CDH11: variants seen among roughly 807,000 people sequenced by gnomAD.
CDH11 encodes the protein cadherin 11, also known as cadherin-11.
A neutral mutation model predicts 67.8 loss-of-function variants in CDH11; 11 were observed. That is an observed-to-expected ratio of 0.16 (90% CI 0.10 to 0.27). The LOEUF is 0.27. CDH11 is among the 10% of genes least tolerant of loss of function. CDH11 has a pLI of 1.00. For synonymous variants in CDH11, 419 were observed against 400.0 expected (o/e 1.05, Z -0.57); for missense variants, 847 against 1,031.2 (o/e 0.82, Z 2.45).
intron 2 of CDH11, among the ~76,000 whole-genome samples, chr16:65,040,800 C>T (rs945261687): frequency 1.3e-5 from 2 of 152,058 alleles, no homozygotes; most frequent in African/African-American, 4.8e-5. Flanking sequence ...AAAGACCATG[C>T]TTTTTATTGA....
chr16:64,991,016 T>C (rs893568773), intron 6 of CDH11, among the ~76,000 whole-genome samples: 1 of 152,206 alleles, frequency 6.6e-6, no homozygotes, highest in Admixed American at 6.5e-5. Flanking sequence ...GGGGTCTACA[T>C]GAACTCCCCT....
intron 1 of CDH11, among the ~76,000 whole-genome samples, chr16:65,068,547 A>G (rs539947520): frequency 2.6e-5 from 4 of 152,234 alleles, no homozygotes; most frequent in African/African-American, 9.6e-5. Context: ...AAACACAGTT[A>G]ATGAAAGCTC....
intron 1 of CDH11, among the ~76,000 whole-genome samples, chr16:65,107,956 G>A (rs1433282289): frequency 6.6e-6 from 1 of 152,136 alleles, no homozygotes; most frequent in Non-Finnish European, 1.5e-5. Flanking sequence ...TCTGCCTAGA[G>A]GAAGGGAATC....
intron 1 of CDH11, among the ~76,000 whole-genome samples, chr16:65,092,977 T>C (rs2142834643): frequency 6.7e-6 from 1 of 150,212 alleles, no homozygotes; most frequent in East Asian, 2.0e-4. Context: ...CACTCTGTTG[T>C]CCAGGCTGGA....
At chr16:65,030,276 TAC>T (rs1455471367) in intron 2 of CDH11, among the ~76,000 whole-genome samples, 1 of 152,218 alleles carries the variant, frequency 6.6e-6, no homozygotes, top group African/African-American at 2.4e-5. Flanking sequence ...TCAGTATATC[TAC>T]AGTTTGGCGG....
chr16:64,948,491 TA>T, intron 12 of CDH11: 1 of 898,932 alleles, frequency 1.1e-6, no homozygotes, highest in Non-Finnish European at 1.8e-6. Context: ...TTCCAAGGTT[TA>T]AAAATGAGGA....
chr16:65,021,876 G>GAAAAAAAA (rs35700448), intron 2 of CDH11, among the ~76,000 whole-genome samples: 58 of 109,792 alleles, frequency 5.3e-4, no homozygotes, highest in Non-Finnish European at 7.9e-4. Flanking sequence ...AAGTAACTCA[G>GAAAAAAAA]AAAAAAAAAA....
At chr16:65,045,334 T>TATAC (rs2073939144) in intron 2 of CDH11, among the ~76,000 whole-genome samples, 1 of 46,474 alleles carries the variant, frequency 2.2e-5, no homozygotes, top group Non-Finnish European at 4.0e-5. Context: ...CAAAAGTATA[T>TATAC]ATATATATAT....
chr16:65,036,128 G>T (rs1343927872), intron 2 of CDH11, among the ~76,000 whole-genome samples: 1 of 152,088 alleles, frequency 6.6e-6, no homozygotes, highest in Admixed American at 6.5e-5. Context: ...TTTTAATTAT[G>T]TTATTGCCAT....
chr16:64,953,854 T>G (rs974119557), intron 11 of CDH11, among the ~76,000 whole-genome samples: 2 of 152,214 alleles, frequency 1.3e-5, no homozygotes, highest in African/African-American at 4.8e-5. Flanking sequence ...CAAAGAAAAC[T>G]CTTTGATATG....
chr16:64,950,643 C>A (rs1029742230), intron 12 of CDH11, 124 bp downstream of exon 12: 31 of 524,456 alleles, frequency 5.9e-5, no homozygotes, highest in East Asian at 7.7e-5. Flanking sequence ...CACTTCTTTT[C>A]TTGAACTGTG....
intron 1 of CDH11, among the ~76,000 whole-genome samples, chr16:65,103,714 A>G (rs1038829453): frequency 6.6e-6 from 1 of 152,214 alleles, no homozygotes; most frequent in Non-Finnish European, 1.5e-5. Context: ...CACTAGCTGC[A>G]TGTACCTACT....
intron 1 of CDH11, among the ~76,000 whole-genome samples, chr16:65,102,534 G>A (rs2075009390): frequency 6.6e-6 from 1 of 152,214 alleles, no homozygotes; most frequent in African/African-American, 2.4e-5. Context: ...ACCCTGGCCT[G>A]TAGCCAAAGG....
At position 64,951,024 on chromosome 16, in the gene CDH11, G is replaced by C; in HGVS notation, c.1643-6C>G. 1.9e-6 allele frequency: 3 copies of C among 1,610,796 alleles called. No homozygotes were observed. The highest frequency in any genetic ancestry group is 1.7e-6 in the Non-Finnish European group (2 of 1,177,836). ...GTACACGCCTGCTGTGTTATCTGCA[G>C]AAAGAGGGGAGACAGGCCGTGCGCC... On this transcript the variant is annotated splice_polypyrimidine_tract_variant and splice_region_variant and intron_variant, in intron 11 of 12. Transcript: ENST00000268603.
intron 1 of CDH11, among the ~76,000 whole-genome samples, chr16:65,067,544 GT>G: frequency 6.6e-6 from 1 of 152,186 alleles, no homozygotes; most frequent in African/African-American, 2.4e-5. Flanking sequence ...TTGATTTATT[GT>G]TTTGTCTTCT....
intron 7 of CDH11, among the ~76,000 whole-genome samples, chr16:64,983,592 G>T (rs1213325592): frequency 6.6e-6 from 1 of 152,102 alleles, no homozygotes; most frequent in Non-Finnish European, 1.5e-5. Flanking sequence ...TTTCAACAGG[G>T]TTAAGCAAGT....
At chr16:65,048,567 G>A (rs936098004) in intron 2 of CDH11, among the ~76,000 whole-genome samples, 2 of 151,732 alleles carry the variant, frequency 1.3e-5, no homozygotes, top group African/African-American at 4.8e-5. Flanking sequence ...ATATGTGTGT[G>A]TAAAATGTGG....
intron 1 of CDH11, among the ~76,000 whole-genome samples, chr16:65,063,106 A>G (rs1393363037): frequency 6.6e-6 from 1 of 152,250 alleles, no homozygotes; most frequent in Non-Finnish European, 1.5e-5. Flanking sequence ...AAGAATGCGA[A>G]AAATCATTTG....
chr16:65,072,737 C>A (rs542833390), intron 1 of CDH11, among the ~76,000 whole-genome samples: 2 of 152,210 alleles, frequency 1.3e-5, no homozygotes, highest in Admixed American at 1.3e-4. Context: ...TTATTTTACA[C>A]TATTGTATTG....
Sources: allele counts gnomAD v4.1 joint callset (sites outside exome capture counted in the v4.1 genomes callset), GRCh38; gene constraint gnomAD v4.1.1; transcripts MANE v1.5; gene names NCBI Gene and HGNC (gene_info 2026-07-23, HGNC 2026-07-21).